Variants in ABCA13 observed in about 807,000 individuals in gnomAD.
The protein encoded by ABCA13 is ATP binding cassette subfamily A member 13.
In ABCA13, 476 loss-of-function variants were observed where a neutral mutation model predicts 478.7. The ratio of observed to expected loss-of-function variants is 0.99; its 90% CI spans 0.92 to 1.07. The LOEUF is 1.07. Ranked by LOEUF, ABCA13 falls within the 50% of genes least tolerant of loss-of-function variation. The probability of loss-of-function intolerance (pLI) is 0.00; values close to 1 mark genes in which losing one functional copy is unlikely to be tolerated. For missense variants in ABCA13, 6,060 were observed against 5,910.6 expected (o/e 1.03, Z -0.83); for synonymous variants, 2,252 against 2,158.9 (o/e 1.04, Z -1.20).
At chr7:48,284,892 T>A (rs912334774) in intron 19 of ABCA13, among the ~76,000 whole-genome samples, 1 of 152,154 alleles carries the variant, frequency 6.6e-6, no homozygotes, top group Non-Finnish European at 1.5e-5. Flanking sequence ...AAATAGCCCC[T>A]CCTCTCCCAT....
chr7:48,185,161 C>T (rs1258843720), intron 1 of ABCA13, among the ~76,000 whole-genome samples: 1 of 152,180 alleles, frequency 6.6e-6, no homozygotes, highest in Non-Finnish European at 1.5e-5. Flanking sequence ...TTTTATAGCA[C>T]AATTTGTTGC....
chr7:48,424,934 G>A (rs755144369), intron 41 of ABCA13, among the ~76,000 whole-genome samples: 1 of 152,130 alleles, frequency 6.6e-6, no homozygotes, highest in African/African-American at 2.4e-5. Flanking sequence ...AGAGCCTCCC[G>A]GACAGCCTGC....
intron 20 of ABCA13, among the ~76,000 whole-genome samples, chr7:48,290,761 A>G (rs940185503): frequency 3.3e-5 from 5 of 152,066 alleles, no homozygotes; most frequent in African/African-American, 1.2e-4. Flanking sequence ...AATTCAATCT[A>G]TGTTCTCAGG....
chr7:48,202,376 GC>G (rs1156843561), intron 3 of ABCA13, among the ~76,000 whole-genome samples: 1 of 152,138 alleles, frequency 6.6e-6, no homozygotes, highest in African/African-American at 2.4e-5. Flanking sequence ...GTTCTCCAAG[GC>G]CCCAGGAGAG....
chr7:48,194,330 T>G (rs573247412), intron 2 of ABCA13, among the ~76,000 whole-genome samples: 3 of 152,130 alleles, frequency 2.0e-5, no homozygotes, highest in Non-Finnish European at 4.4e-5. Context: ...ATGGTGGAGA[T>G]AATGATGATG....
At chr7:48,487,320 A>C (rs889849607) in intron 47 of ABCA13, among the ~76,000 whole-genome samples, 2 of 86,050 alleles carry the variant, frequency 2.3e-5, no homozygotes, top group African/African-American at 1.8e-4. Context: ...AAAAAAAAAC[A>C]AAACAAAACA....
Position 48,506,388 on chromosome 7 carries a change from G to C in ABCA13, c.13344G>C (p.Lys4448Asn). ...PYGGALLNEDKILESIRQCGV... is the reference protein window; with the variant it reads ...PYGGALLNEDNILESIRQCGV... ...GAGGGGCCTTGCTGAACGAGGACAA[G>C]ATGTGAGTTGATGGAATGCTGAGGG... is the stretch of plus-strand genomic sequence containing the variant. The change falls in exon 49 of 62, where the codon AAG becomes AAC. Residue 4448 changes from lysine to asparagine, a missense_variant and splice_region_variant. Physicochemically the swap from Lys to Asn is moderately conservative, Grantham distance 94 (BLOSUM62 0). This residue lies in a region of ABCA13 where 1,627 missense variants were observed against 1,571.0 expected (regional missense o/e 1.04). Coordinates refer to ENST00000435803, the MANE Select transcript of ABCA13 (RefSeq NM_152701.5). 1 of 1,613,750 alleles carries C rather than the reference G, an allele frequency of 6.2e-7. No homozygotes were observed. Among genetic ancestry groups the C allele is most frequent in the Non-Finnish European group, 8.5e-7 (1 of 1,179,658 alleles).
At chr7:48,563,846 T>C (rs1786735481) in intron 55 of ABCA13, among the ~76,000 whole-genome samples, 1 of 149,274 alleles carries the variant, frequency 6.7e-6, no homozygotes, top group Non-Finnish European at 1.5e-5. Context: ...GTGTTTTGCA[T>C]GGCCTCATCT....
chr7:48,386,803 T>A (rs907048623), intron 35 of ABCA13, among the ~76,000 whole-genome samples: 1 of 152,176 alleles, frequency 6.6e-6, no homozygotes, highest in Non-Finnish European at 1.5e-5. Flanking sequence ...ACCTAGTTAA[T>A]ACAATTTAGG....
intron 51 of ABCA13, among the ~76,000 whole-genome samples, chr7:48,511,850 A>G (rs75274777): frequency 0.012 from 1,772 of 152,314 alleles, 39 homozygotes; most frequent in African/African-American, 0.04. Context: ...ATACTAATTT[A>G]TTATACTTCA....
chr7:48,645,586 C>A lies in ABCA13; in HGVS notation c.*74C>A. 8.1e-7 allele frequency: 1 copy of A among 1,235,108 alleles called. No individual in the cohort carries two copies. Among genetic ancestry groups the A allele is most frequent in the Non-Finnish European group, 1.1e-6 (1 of 870,554 alleles). The allele number at this position is 1,235,108 out of a possible 1,614,324, so 76.5% of individuals were successfully genotyped here. On this transcript the variant is annotated 3_prime_UTR_variant, in exon 62 of 62. Transcript: ENST00000435803. ...TTAACAGTCAAGGATAAAACAAGCA[C>A]GCGCACAATCAAGGAGCTGGAACAC...
intron 1 of ABCA13, among the ~76,000 whole-genome samples, chr7:48,189,536 T>C (rs911205305): frequency 6.6e-5 from 10 of 152,236 alleles, no homozygotes; most frequent in African/African-American, 9.6e-5. Flanking sequence ...TTAGGTTTAA[T>C]TGGAATTCTG....
At chr7:48,410,390 T>C in intron 39 of ABCA13, 130 bp from the exon 40 acceptor site, 11 of 1,201,726 alleles carry the variant, frequency 9.2e-6, no homozygotes, top group African/African-American at 3.0e-5. Flanking sequence ...CGCATTTCAA[T>C]TTTTTTCAGT....
At chr7:48,561,884 T>A (rs1468920795) in intron 55 of ABCA13, among the ~76,000 whole-genome samples, 1 of 152,124 alleles carries the variant, frequency 6.6e-6, no homozygotes, top group African/African-American at 2.4e-5. Context: ...CAATCTGTAA[T>A]CTATTTTGAA....
chr7:48,333,902 G>A (rs1278437786), intron 27 of ABCA13, among the ~76,000 whole-genome samples: 1 of 152,192 alleles, frequency 6.6e-6, no homozygotes, highest in Non-Finnish European at 1.5e-5. Context: ...TGTCTCCTGG[G>A]TGCTTGTTGT....
intron 6 of ABCA13, among the ~76,000 whole-genome samples, chr7:48,227,696 T>A (rs1788437457): frequency 6.6e-6 from 1 of 152,232 alleles, no homozygotes; most frequent in African/African-American, 2.4e-5. Context: ...TTGTTATAGT[T>A]TATAAATGGC....
chr7:48,411,310 T>TTTTCTTTTC (rs1819193599), intron 40 of ABCA13, among the ~76,000 whole-genome samples: 2 of 122,088 alleles, frequency 1.6e-5, no homozygotes, highest in Admixed American at 9.3e-5. Flanking sequence ...TTTTCTTTTC[T>TTTTCTTTTC]TTTCTTTTCT....
intron 8 of ABCA13, among the ~76,000 whole-genome samples, chr7:48,237,012 GTT>G (rs35078208): frequency 0.19 from 25,140 of 130,748 alleles, 3,690 homozygotes; most frequent in African/African-American, 0.42. Context: ...AGAGGGTAGG[GTT>G]TTTTTTTTTT....
At chr7:48,487,324 CA>C (rs1445389488) in intron 47 of ABCA13, among the ~76,000 whole-genome samples, 1 of 138,798 alleles carries the variant, frequency 7.2e-6, no homozygotes, top group Non-Finnish European at 1.5e-5. Flanking sequence ...AAAAACAAAA[CA>C]AAACAAAACA....
Sources: allele counts gnomAD v4.1 joint callset (sites outside exome capture counted in the v4.1 genomes callset), GRCh38; gene constraint gnomAD v4.1.1; regional missense constraint gnomAD v4.1.1; transcripts MANE v1.5; gene names NCBI Gene and HGNC (gene_info 2026-07-23, HGNC 2026-07-21).